Variants in MAP7D1 observed in about 807,000 individuals in gnomAD.
The protein encoded by MAP7D1 is MAP7 domain-containing protein 1.
MAP7D1 carries 30 observed loss-of-function variants against 97.5 expected under a neutral mutation model. That is an observed-to-expected ratio of 0.31 (90% confidence interval 0.23 to 0.42). MAP7D1 has a LOEUF of 0.42. MAP7D1 is among the 10% of genes least tolerant of loss of function. The pLI is 1.00. For synonymous variants in MAP7D1, 536 were observed against 477.1 expected (o/e 1.12, Z -1.61); for missense variants, 1,184 against 1,179.5 (o/e 1.00, Z -0.06).
rs1644375496 is a variant in MAP7D1, at chr1:36,159,073, T to TA, written c.46+2610_46+2611insA. ...TTATTTATTTATTTATTTATTTATT[T>TA]TGAGACAGAGTCTTGCTCTTGTCAC... On this transcript the variant is annotated intron_variant, in intron 1 of 16. Coordinates refer to ENST00000474796, the MANE Select transcript of MAP7D1 (RefSeq NM_001388490.1). The surrounding 1 kb of genome is among the most constrained non-coding windows in gnomAD (Gnocchi z 5.4). 2.6e-5 allele frequency among the ~76,000 whole-genome samples: 4 copies of TA among 151,836 alleles called. No homozygotes were observed. The highest frequency in any genetic ancestry group is 5.9e-5 in the Non-Finnish European group (4 of 68,018).
chr1:36,173,825 A>G (rs1004131957), intron 5 of MAP7D1, among the ~76,000 whole-genome samples: 4 of 152,172 alleles, frequency 2.6e-5, no homozygotes, highest in African/African-American at 9.7e-5. Context: ...CTTGTCTCGG[A>G]AGGTAGATTT....
rs1056871283 is a variant in MAP7D1 at position 36,159,997 on chromosome 1, C to A, written c.46+3534C>A. On this transcript the variant is annotated intron_variant, in intron 1 of 16. Transcript: ENST00000474796. This position sits in a 1 kb window ranked among gnomAD's most constrained non-coding sequence, Gnocchi z 5.4. ...AAGGGATACTAGGCCAGCTCAGGTC[C>A]CCTTTCCTAACATGATAGTGGGGAA... Among the ~76,000 whole-genome samples, 1 of 152,222 alleles carries A rather than the reference C, an allele frequency of 6.6e-6. No individual in the cohort carries two copies. Among genetic ancestry groups the A allele is most frequent in the Non-Finnish European group, 1.5e-5 (1 of 68,050 alleles).
chr1:36,171,957 A>AAC, intron 3 of MAP7D1: 3 of 220,670 alleles, frequency 1.4e-5, no homozygotes, highest in South Asian at 6.3e-5. Context: ...AAAAAAAAAA[A>AAC]ACCAACACTT....
At chr1:36,167,509 G>A (rs1038719314) in intron 1 of MAP7D1, among the ~76,000 whole-genome samples, 3 of 152,160 alleles carry the variant, frequency 2.0e-5, no homozygotes, top group South Asian at 4.1e-4. Flanking sequence ...ATGAGGAGAC[G>A]TGGATATATT....
chr1:36,167,045 A>G (rs1644482683), intron 1 of MAP7D1, among the ~76,000 whole-genome samples: 1 of 152,166 alleles, frequency 6.6e-6, no homozygotes, highest in South Asian at 2.1e-4. Context: ...GCATGAGTGA[A>G]ACTAGACCTC....
rs1644706011 is a variant in MAP7D1 at position 36,180,760 on chromosome 1, T to G, written c.*502T>G. 1 of 179,682 alleles carries G rather than the reference T, an allele frequency of 5.6e-6. No homozygotes were observed. Among genetic ancestry groups the G allele is most frequent in the African/African-American group, 2.4e-5 (1 of 42,420 alleles). The allele number at this position is 179,682 out of a possible 1,614,324, so 11.1% of individuals were successfully genotyped here. A position where few individuals can be genotyped will look rare whatever the true frequency, so the allele number is the denominator to read the frequency against. ...CTTGGGCCACAGGATACTGGTTGCT[T>G]CAGGGGTACCCATGCCCCCTGCCCT... is the stretch of plus-strand genomic sequence containing the variant. On this transcript the variant is annotated 3_prime_UTR_variant, in exon 17 of 17. Coordinates refer to ENST00000474796, the MANE Select transcript of MAP7D1 (RefSeq NM_001388490.1).
At chr1:36,172,302 C>T in intron 3 of MAP7D1, 162 bp from the exon 4 acceptor site, 1 of 624,332 alleles carries the variant, frequency 1.6e-6, no homozygotes, top group Non-Finnish European at 2.5e-6. Context: ...GTAAGCCTCT[C>T]AATTTGAGGG....
chr1:36,178,799 G>A lies in MAP7D1; in HGVS notation c.2001G>A (p.Glu667=). ...GAGAGAAGGCGCAGGCCGAGCAGGAGGAGCAGGAGCGGCTGCAGAAGCAGG... is the reference window on the plus strand; with the variant it reads ...GAGAGAAGGCGCAGGCCGAGCAGGAAGAGCAGGAGCGGCTGCAGAAGCAGG... The part of the protein sequence containing the change: ...EAREKAQAEQ[E]EQERLQKQKE... The change falls in exon 11 of 17, where the codon GAG becomes GAA. Residue 667 remains glutamate (E), a synonymous_variant. Transcript: ENST00000474796. 6.5e-7 allele frequency: 1 copy of A among 1,546,766 alleles called. No individual in the cohort carries two copies. Among genetic ancestry groups the A allele is most frequent in the Non-Finnish European group, 8.7e-7 (1 of 1,145,426 alleles).
At chr1:36,156,970 C>G (rs1644341684) in intron 1 of MAP7D1, among the ~76,000 whole-genome samples, 2 of 152,208 alleles carry the variant, frequency 1.3e-5, no homozygotes, top group South Asian at 4.1e-4. Flanking sequence ...CTCGCCCCCA[C>G]CCCATCCGTC....
At chr1:36,177,341 G>A (rs890147300) in intron 8 of MAP7D1, 5 of 307,764 alleles carry the variant, frequency 1.6e-5, no homozygotes, top group Non-Finnish European at 2.6e-5. Flanking sequence ...ATAGTGCCTG[G>A]CACCTGGTAA....
intron 1 of MAP7D1, among the ~76,000 whole-genome samples, chr1:36,166,514 T>C (rs1644476658): frequency 6.6e-6 from 1 of 151,764 alleles, no homozygotes; most frequent in Non-Finnish European, 1.5e-5. Flanking sequence ...CTCAGCCTCC[T>C]GTGTACCTGG....
chr1:36,178,125 ACCGGCACCTTCG>A lies in MAP7D1; in HGVS notation c.1638_1649del (p.Ala550_Pro553del). ...AGAAGGAGTCAGCAGCCCCAGCCTC[ACCGGCACCTTCG>A]CCGGCGCCCTCGCCCACCCCAGCCC... is the stretch of plus-strand genomic sequence containing the variant. On this transcript the variant is annotated inframe_deletion, in exon 9 of 17. Coordinates refer to ENST00000474796, the MANE Select transcript of MAP7D1 (RefSeq NM_001388490.1). 1.3e-6 allele frequency: 2 copies of A among 1,592,250 alleles called. No homozygotes were observed. The highest frequency in any genetic ancestry group is 1.7e-6 in the Non-Finnish European group (2 of 1,170,488).
Position 36,176,143 on chromosome 1 carries a change from T to C in MAP7D1, c.851-56T>C. ...GGTGCCTGGTCTGCTCCCTTGCCTC[T>C]TCCTGCCTCCTACGGCCCCCACGGT... On this transcript the variant is annotated intron_variant, in intron 6 of 16. Transcript: ENST00000474796. The surrounding 1 kb of genome is among the most constrained non-coding windows in gnomAD (Gnocchi z 6.1). The C allele has an allele frequency of 6.3e-7, 1 of 1,583,676 alleles. No homozygotes were observed. Among genetic ancestry groups the C allele is most frequent in the South Asian group, 1.1e-5 (1 of 89,492 alleles).
chr1:36,178,216 AG>A lies in MAP7D1; in HGVS notation c.1708+19del. On this transcript the variant is annotated intron_variant, in intron 9 of 16. Coordinates refer to ENST00000474796, the MANE Select transcript of MAP7D1 (RefSeq NM_001388490.1). ...GACCCCTACAGGTAGGAATGAAGAG[AG>A]GGGAGGGGTGGGCCGAGCGAGAGAA... 1 of 1,537,470 alleles carries A rather than the reference AG, an allele frequency of 6.5e-7. No individual in the cohort carries two copies. The highest frequency in any genetic ancestry group is 2.4e-4 in the Middle Eastern group (1 of 4,232).
intron 8 of MAP7D1, chr1:36,177,369 A>G (rs1223320595): frequency 5.9e-6 from 2 of 340,744 alleles, no homozygotes; most frequent in African/African-American, 4.3e-5. Context: ...GTGAATACCT[A>G]CTGAAGGGCC....
At chr1:36,157,906 C>A (rs1644359431) in intron 1 of MAP7D1, among the ~76,000 whole-genome samples, 1 of 151,990 alleles carries the variant, frequency 6.6e-6, no homozygotes, top group African/African-American at 2.4e-5. Flanking sequence ...CTGGGTCTGT[C>A]CTGGTTTGGC....
rs1158540027 is a variant in MAP7D1 at position 36,179,265 on chromosome 1, C to G, written c.2134C>G (p.Leu712Val). 1 of 1,613,758 alleles carries G rather than the reference C, an allele frequency of 6.2e-7. No homozygotes were observed. The change falls in exon 13 of 17, where the codon CTG (leucine) becomes GTG (valine). Residue 712 changes from leucine (L) to valine (V), a missense_variant. Leu to Val is a conservative substitution (Grantham distance 32). Transcript: ENST00000474796. ...EQERQERRKR[L>V]EEIMKRTRKS... is the part of the protein sequence containing the mutation. ...CTGATCTGCGGCCTCCAAACAGCGT[C>G]TGGAGGAGATCATGAAGAGGACTCG... is the stretch of plus-strand genomic sequence containing the variant.
At chr1:36,174,795 C>G in intron 5 of MAP7D1, 103 bp from the exon 6 acceptor site, 1 of 572,508 alleles carries the variant, frequency 1.7e-6, no homozygotes, top group Non-Finnish European at 3.3e-6. Context: ...CCCACTCCTC[C>G]CTCTCCCACC....
rs770123980 is a variant in MAP7D1 at position 36,173,357 on chromosome 1, C to G, written c.625-7C>G. 45 of 1,606,960 alleles carry G rather than the reference C, an allele frequency of 2.8e-5. 1 individual carries two copies. Among genetic ancestry groups the G allele is most frequent in the Non-Finnish European group, 3.3e-5 (39 of 1,175,576 alleles). On this transcript the variant is annotated splice_region_variant and splice_polypyrimidine_tract_variant and intron_variant, in intron 4 of 16. Coordinates refer to ENST00000474796, the MANE Select transcript of MAP7D1 (RefSeq NM_001388490.1). ...CACATCTCTCTCTTCTCCCCACCTT[C>G]CCCCAGGAGCGCTATGAAGCAGCCA...
Sources: allele counts gnomAD v4.1 joint callset (sites outside exome capture counted in the v4.1 genomes callset), GRCh38; gene constraint gnomAD v4.1.1; non-coding constraint Gnocchi (gnomAD v3.1); transcripts MANE v1.5; gene names NCBI Gene and HGNC (gene_info 2026-07-23, HGNC 2026-07-21).